Variants in DYRK4 observed in about 807,000 individuals in gnomAD.
The protein encoded by DYRK4 is dual specificity tyrosine phosphorylation regulated kinase 4.
In DYRK4, 64 loss-of-function variants were observed where a neutral mutation model predicts 68.3. The ratio of observed to expected loss-of-function variants is 0.94; its 90% confidence interval spans 0.77 to 1.15. DYRK4 has a LOEUF of 1.15. DYRK4 is among the 50% of genes most tolerant of loss of function. The pLI, the probability that DYRK4 is intolerant of heterozygous loss-of-function variation, is 0.00. For missense variants in DYRK4, 740 were observed against 764.7 expected (o/e 0.97, Z 0.38); for synonymous variants, 274 against 289.9 (o/e 0.95, Z 0.56).
intron 2 of DYRK4, among the ~76,000 whole-genome samples, chr12:4,571,258 T>G (rs1944727487): frequency 6.6e-6 from 1 of 152,252 alleles, no homozygotes; most frequent in South Asian, 2.1e-4. Context: ...AGAATCATAC[T>G]GAAGACACAT....
chr12:4,612,774 G>C, intron 14 of DYRK4, 56 bp downstream of exon 14: 1 of 1,580,300 alleles, frequency 6.3e-7, no homozygotes, highest in Non-Finnish European at 8.7e-7. Flanking sequence ...TAATATTCTA[G>C]AATTCTGTAA....
At chr12:4,573,730 T>G (rs1944755724) in intron 2 of DYRK4, among the ~76,000 whole-genome samples, 1 of 152,200 alleles carries the variant, frequency 6.6e-6, no homozygotes, top group South Asian at 2.1e-4. Context: ...AAGAGATTTA[T>G]GTAGCCAGGC....
chr12:4,600,857 C>T (rs1352926814), intron 10 of DYRK4, among the ~76,000 whole-genome samples: 1 of 130,070 alleles, frequency 7.7e-6, no homozygotes, highest in African/African-American at 3.3e-5. Flanking sequence ...TAGCCCCTTC[C>T]CCCTTCCTAG....
intron 11 of DYRK4, 118 bp from the exon 12 acceptor site, chr12:4,607,209 C>G: frequency 8.7e-7 from 1 of 1,144,456 alleles, no homozygotes; most frequent in Non-Finnish European, 1.3e-6. Context: ...GATGTTATTA[C>G]TTAATGCTTT....
At chr12:4,612,947 G>A in intron 14 of DYRK4, 1 of 463,190 alleles carries the variant, frequency 2.2e-6, no homozygotes, top group South Asian at 2.7e-5. Flanking sequence ...ATCATGACTA[G>A]CCTGCCATTT....
At chr12:4,610,735 G>C (rs1000129014) in intron 13 of DYRK4, among the ~76,000 whole-genome samples, 2 of 152,070 alleles carry the variant, frequency 1.3e-5, no homozygotes, top group African/African-American at 4.8e-5. Context: ...CCTCCCCCTA[G>C]GATTTAGTAC....
chr12:4,587,737 T>C (rs941778819), intron 2 of DYRK4, among the ~76,000 whole-genome samples: 1 of 152,342 alleles, frequency 6.6e-6, no homozygotes. Flanking sequence ...CAAGATTGAC[T>C]GTCCCAAATA....
chr12:4,591,131 A>G lies in DYRK4; in HGVS notation c.325-29A>G. 6.2e-7 allele frequency: 1 copy of G among 1,611,882 alleles called. No homozygotes were observed. Among genetic ancestry groups the G allele is most frequent in the South Asian group, 1.1e-5 (1 of 90,740 alleles). ...GCCCCCAGGAGAGTCCTAAGTAGTT[A>G]TTTATTGCAAACCTCTTTTCCTGGA... On this transcript the variant is annotated intron_variant, in intron 4 of 14. Transcript: ENST00000543431. This position sits in a 1 kb window ranked among gnomAD's most constrained non-coding sequence, Gnocchi z 4.1.
At chr12:4,564,868 A>G (rs1944661120) in intron 1 of DYRK4, among the ~76,000 whole-genome samples, 1 of 152,212 alleles carries the variant, frequency 6.6e-6, no homozygotes, top group Non-Finnish European at 1.5e-5. Flanking sequence ...AAGACTAACA[A>G]TCAATATGAG....
intron 1 of DYRK4, chr12:4,563,243 T>G: frequency 2.4e-6 from 1 of 421,998 alleles, no homozygotes; most frequent in Non-Finnish European, 4.8e-6. Flanking sequence ...TTTCTGTTAC[T>G]TAAATCTGTT....
At chr12:4,574,585 C>T (rs1432501018) in intron 2 of DYRK4, among the ~76,000 whole-genome samples, 1 of 152,210 alleles carries the variant, frequency 6.6e-6, no homozygotes, top group Non-Finnish European at 1.5e-5. Context: ...CTATGAATAT[C>T]ACCTCTGTTC....
chr12:4,571,003 G>A (rs767214045), intron 2 of DYRK4, among the ~76,000 whole-genome samples: 3 of 152,150 alleles, frequency 2.0e-5, no homozygotes, highest in South Asian at 2.1e-4. Context: ...CTGCCGGCAG[G>A]GGAAACAGAG....
intron 2 of DYRK4, among the ~76,000 whole-genome samples, chr12:4,575,614 A>G (rs775206392): frequency 4.0e-5 from 6 of 151,862 alleles, no homozygotes; most frequent in African/African-American, 2.4e-5. Flanking sequence ...CAGCCAATTT[A>G]TTGTATTTTA....
rs1945235758 is a variant in DYRK4, at chr12:4,612,614, T to C, written c.1562T>C (p.Leu521Pro). 2 of 1,614,170 alleles carry C rather than the reference T, an allele frequency of 1.2e-6. No individual in the cohort carries two copies. Among genetic ancestry groups the C allele is most frequent in the Non-Finnish European group, 1.7e-6 (2 of 1,180,030 alleles). The change falls in exon 14 of 15, where the codon CTC becomes CCC. Residue 521 changes from leucine (L) to proline (P), a missense_variant. Coordinates refer to ENST00000543431, the MANE Select transcript of DYRK4 (RefSeq NM_001394779.1). ...GCTTGGATTCATCAGTCTCGGAACC[T>C]CAAGCCACAGCCCAGGCCCCAGACC... ...KHAWIHQSRN[L>P]KPQPRPQTLR...
chr12:4,572,185 A>G (rs1209230388), intron 2 of DYRK4, among the ~76,000 whole-genome samples: 1 of 152,210 alleles, frequency 6.6e-6, no homozygotes, highest in Non-Finnish European at 1.5e-5. Context: ...AAGAGTTGGA[A>G]CTGAATAGAC....
At chr12:4,574,650 C>T (rs1204491198) in intron 2 of DYRK4, among the ~76,000 whole-genome samples, 1 of 152,178 alleles carries the variant, frequency 6.6e-6, no homozygotes, top group Non-Finnish European at 1.5e-5. Context: ...TACGGGAACA[C>T]TACATTTTTT....
chr12:4,597,274 C>A, intron 8 of DYRK4: 1 of 465,118 alleles, frequency 2.1e-6, no homozygotes, highest in Non-Finnish European at 2.8e-6. Flanking sequence ...ATTTTTCTCT[C>A]TGGGAAGACC....
intron 5 of DYRK4, among the ~76,000 whole-genome samples, chr12:4,592,010 G>A (rs1261337449): frequency 6.6e-6 from 1 of 152,038 alleles, no homozygotes; most frequent in Non-Finnish European, 1.5e-5. Context: ...AGGATGCAAA[G>A]GAAGAGAGCC....
chr12:4,604,547 G>A (rs1039563508), intron 10 of DYRK4, among the ~76,000 whole-genome samples: 4 of 152,086 alleles, frequency 2.6e-5, no homozygotes, highest in African/African-American at 9.7e-5. Context: ...TAACTCTCTT[G>A]CCAAGTCACA....
Sources: gnomAD v4.1 joint callset for allele counts (sites outside exome capture counted in the v4.1 genomes callset) on GRCh38, gnomAD v4.1.1 for gene constraint, Gnocchi (gnomAD v3.1) non-coding constraint, MANE v1.5 for transcripts, NCBI Gene and HGNC (gene_info 2026-07-23, HGNC 2026-07-21) for gene names.